Variants in PBX3 observed in about 807,000 individuals in gnomAD.
The protein encoded by PBX3 is PBX homeobox 3.
Under a neutral mutation model 48.5 loss-of-function variants are expected in PBX3, and 14 were observed. The observed-to-expected ratio is 0.29, with a 90% CI of 0.19 to 0.45. The LOEUF (loss-of-function observed/expected upper bound fraction) is 0.45, where lower values mean the gene tolerates loss of function less well. Among genes scored for constraint, PBX3 ranks in the 20% least tolerant of loss-of-function variants. PBX3 has a pLI of 1.00. For synonymous variants in PBX3, 210 were observed against 200.3 expected (o/e 1.05, Z -0.41); for missense variants, 386 against 546.7 (o/e 0.71, Z 2.93).
intron 2 of PBX3, among the ~76,000 whole-genome samples, chr9:125,890,823 A>G (rs1279691263): frequency 6.6e-6 from 1 of 152,276 alleles, no homozygotes; most frequent in South Asian, 2.1e-4. Flanking sequence ...GATTAAAAAA[A>G]GAAGCCTTGC....
At chr9:125,765,581 T>C (rs1008393735) in intron 2 of PBX3, among the ~76,000 whole-genome samples, 3 of 152,226 alleles carry the variant, frequency 2.0e-5, no homozygotes, top group Non-Finnish European at 4.4e-5. Context: ...AAATACTACC[T>C]GTTTTTTTTC....
chr9:125,798,836 C>T (rs1588156600), intron 2 of PBX3, among the ~76,000 whole-genome samples: 4 of 151,938 alleles, frequency 2.6e-5, no homozygotes, highest in Admixed American at 2.6e-4. Context: ...TTACTTTTAA[C>T]TGCCATCTTA....
At chr9:125,815,788 C>A (rs961800685) in intron 2 of PBX3, among the ~76,000 whole-genome samples, 1 of 151,954 alleles carries the variant, frequency 6.6e-6, no homozygotes, top group Non-Finnish European at 1.5e-5. Flanking sequence ...GCCCCATTTC[C>A]TGTTGCTGTT....
intron 2 of PBX3, among the ~76,000 whole-genome samples, chr9:125,872,608 A>G (rs993029963): frequency 1.4e-4 from 21 of 151,970 alleles, no homozygotes; most frequent in Non-Finnish European, 2.5e-4. Context: ...AAAAATTTTA[A>G]AAATAGCCAG....
intron 2 of PBX3, among the ~76,000 whole-genome samples, chr9:125,751,274 A>C (rs547287860): frequency 2.0e-5 from 3 of 152,298 alleles, no homozygotes; most frequent in African/African-American, 7.2e-5. Flanking sequence ...GGATAATGTC[A>C]TTTCAGTTGT....
chr9:125,887,513 C>G (rs868799718), intron 2 of PBX3, among the ~76,000 whole-genome samples: 3 of 152,134 alleles, frequency 2.0e-5, no homozygotes, highest in African/African-American at 7.2e-5. Context: ...CATTTTGAAG[C>G]TGTTTTTTAA....
intron 2 of PBX3, among the ~76,000 whole-genome samples, chr9:125,830,047 C>T (rs1346464999): frequency 6.6e-6 from 1 of 152,114 alleles, no homozygotes; most frequent in East Asian, 1.9e-4. Flanking sequence ...CTGCTGAGCT[C>T]TTACAACAGG....
chr9:125,957,678 T>C (rs1842338816), intron 5 of PBX3, among the ~76,000 whole-genome samples: 2 of 152,232 alleles, frequency 1.3e-5, no homozygotes, highest in Admixed American at 6.5e-5. Context: ...CAAGGTAATA[T>C]TAACTACAAA....
At chr9:125,788,526 A>G (rs1388499957) in intron 2 of PBX3, among the ~76,000 whole-genome samples, 3 of 152,244 alleles carry the variant, frequency 2.0e-5, no homozygotes, top group Non-Finnish European at 4.4e-5. Flanking sequence ...ATAAAATACA[A>G]AAACACTAAT....
At position 125,748,597 on chromosome 9, in the gene PBX3, T is replaced by C. The variant is rs745624717; in HGVS notation, c.248T>C (p.Val83Ala). 8 of 1,613,638 alleles carry C rather than the reference T, an allele frequency of 5.0e-6. No homozygotes were observed. The African/African-American group carries it at 6.7e-5, about 13-fold the overall frequency. ...CHRMKPALFS[V>A]LCEIKEKTGL... ...AGAATGAAACCAGCGCTCTTCAGCG[T>C]CCTGTGTGAGATCAAAGAGAAAACA... The change falls in exon 2 of 9, where the codon GTC (valine) becomes GCC (alanine). Residue 83 changes from valine (V) to alanine (A), a missense_variant. Transcript: ENST00000373489.
intron 2 of PBX3, among the ~76,000 whole-genome samples, chr9:125,841,192 T>C (rs968985930): frequency 1.3e-5 from 2 of 152,174 alleles, no homozygotes; most frequent in African/African-American, 4.8e-5. Context: ...TATTAAGTAG[T>C]AGAGCTTGGA....
intron 2 of PBX3, among the ~76,000 whole-genome samples, chr9:125,843,285 A>G (rs768241820): frequency 6.6e-6 from 1 of 152,182 alleles, no homozygotes; most frequent in African/African-American, 2.4e-5. Context: ...TATCATAAAT[A>G]TCTTCAATTG....
At chr9:125,838,162 T>G (rs1839191971) in intron 2 of PBX3, among the ~76,000 whole-genome samples, 2 of 152,190 alleles carry the variant, frequency 1.3e-5, no homozygotes, top group Admixed American at 1.3e-4. Context: ...GGGATTCTCC[T>G]GCCTCAGACC....
intron 2 of PBX3, among the ~76,000 whole-genome samples, chr9:125,773,082 C>T (rs1188429385): frequency 6.6e-6 from 1 of 152,124 alleles, no homozygotes; most frequent in Non-Finnish European, 1.5e-5. Flanking sequence ...TGGCTAGCTA[C>T]TGGTGGGTTC....
chr9:125,834,956 G>T (rs543818519), intron 2 of PBX3, among the ~76,000 whole-genome samples: 269 of 130,136 alleles, frequency 2.1e-3, no homozygotes, highest in Non-Finnish European at 3.1e-3. Context: ...GGCAGAAGTT[G>T]CAGTGAGCCA....
chr9:125,820,682 A>G (rs1838624452), intron 2 of PBX3, among the ~76,000 whole-genome samples: 1 of 152,232 alleles, frequency 6.6e-6, no homozygotes, highest in Admixed American at 6.5e-5. Flanking sequence ...GATTTGCCTG[A>G]TACGAAGCAC....
At position 125,778,751 on chromosome 9, in the gene PBX3, G is replaced by C. The variant is rs377682310; in HGVS notation, c.274+30128G>C. Among the ~76,000 whole-genome samples the C allele has an allele frequency of 2.3e-4, 34 of 148,676 alleles. No individual in the cohort carries two copies. The East Asian group carries it at 6.5e-3, about 28-fold the overall frequency. On this transcript the variant is annotated intron_variant, in intron 2 of 8. Coordinates refer to ENST00000373489, the MANE Select transcript of PBX3 (RefSeq NM_006195.6). Reference sequence around the variant, plus strand: ...GGTACTGGGCATGCTAGGCTTTGCTGTTTGGAGTACTAGCCTCACCCTGTT... The same window carrying C: ...GGTACTGGGCATGCTAGGCTTTGCTCTTTGGAGTACTAGCCTCACCCTGTT...
At chr9:125,859,314 TG>T (rs1839802643) in intron 2 of PBX3, among the ~76,000 whole-genome samples, 1 of 152,224 alleles carries the variant, frequency 6.6e-6, no homozygotes, top group African/African-American at 2.4e-5. Flanking sequence ...TATTGTTTTT[TG>T]TCAAGGCCCA....
At chr9:125,929,061 C>T (rs1238372505) in intron 3 of PBX3, among the ~76,000 whole-genome samples, 1 of 152,206 alleles carries the variant, frequency 6.6e-6, no homozygotes, top group African/African-American at 2.4e-5. Flanking sequence ...CCATCTTTAT[C>T]CACCTTTCAA....
Sources: allele counts gnomAD v4.1 joint callset (sites outside exome capture counted in the v4.1 genomes callset), GRCh38; gene constraint gnomAD v4.1.1; transcripts MANE v1.5; gene names NCBI Gene and HGNC (gene_info 2026-07-23, HGNC 2026-07-21).